The following MND1 variants were observed in gnomAD, a reference collection of about 807,000 sequenced individuals.
The protein encoded by MND1 is meiotic nuclear divisions 1.
In MND1, 28 loss-of-function variants were observed where a neutral mutation model predicts 35.1. The ratio of observed to expected loss-of-function variants is 0.80; its 90% CI spans 0.59 to 1.09. The LOEUF (loss-of-function observed/expected upper bound fraction) is 1.09. Ranked by LOEUF, MND1 falls within the 50% of genes least tolerant of loss-of-function variation. The pLI is 0.00. For synonymous variants in MND1, 69 were observed against 70.5 expected (o/e 0.98, Z 0.11); for missense variants, 213 against 239.6 (o/e 0.89, Z 0.73).
intron 4 of MND1, among the ~76,000 whole-genome samples, chr4:153,392,295 C>T (rs1416232763): frequency 2.0e-5 from 3 of 151,824 alleles, no homozygotes; most frequent in Admixed American, 6.6e-5. Flanking sequence ...TCAGTAGAGA[C>T]GGGGTTTCAC....
At chr4:153,412,978 T>G (rs1227564108) in intron 7 of MND1, among the ~76,000 whole-genome samples, 1 of 152,102 alleles carries the variant, frequency 6.6e-6, no homozygotes, top group Non-Finnish European at 1.5e-5. Context: ...CTAATCTTTT[T>G]GTATTGTTAG....
At position 153,350,052 on chromosome 4, in the gene MND1, T is replaced by C; in HGVS notation, c.4-12T>C. On this transcript the variant is annotated splice_polypyrimidine_tract_variant and intron_variant, in intron 1 of 7. Coordinates refer to ENST00000240488, the MANE Select transcript of MND1 (RefSeq NM_032117.4). ...TAAAAGCATTGTTTACTTGTTAATT[T>C]TTTTGCTTTAGTCAAAGAAAAAAGG... 6.4e-7 allele frequency: 1 copy of C among 1,569,178 alleles called. No individual in the cohort carries two copies. The highest frequency in any genetic ancestry group is 8.7e-7 in the Non-Finnish European group (1 of 1,155,806).
At position 153,387,410 on chromosome 4, in the gene MND1, A is replaced by T. The variant is rs797011960; in HGVS notation, c.277-6852A>T. On this transcript the variant is annotated intron_variant, in intron 4 of 7. Transcript: ENST00000240488. ...TCTTTACAGTGTTTATTGTTTCCTT[A>T]TGATTAATTTTTAAATGGAATATTA... Among the ~76,000 whole-genome samples the T allele has an allele frequency of 1.4e-4, 22 of 152,120 alleles. No homozygotes were observed. The East Asian group carries it at 4.2e-3, about 29-fold the overall frequency.
intron 4 of MND1, among the ~76,000 whole-genome samples, chr4:153,390,889 A>ATATGTGTG (rs757236550): frequency 2.3e-3 from 317 of 139,836 alleles, no homozygotes; most frequent in African/African-American, 4.5e-3. Flanking sequence ...AGGTATATAT[A>ATATGTGTG]TGTGTGTGTG....
At chr4:153,347,157 G>C (rs1773094857) in intron 1 of MND1, among the ~76,000 whole-genome samples, 1 of 152,096 alleles carries the variant, frequency 6.6e-6, no homozygotes, top group African/African-American at 2.4e-5. Flanking sequence ...GGACCTATTG[G>C]ACTAGAAAAA....
At chr4:153,383,273 C>T (rs1047690577) in intron 4 of MND1, among the ~76,000 whole-genome samples, 5 of 152,098 alleles carry the variant, frequency 3.3e-5, no homozygotes, top group Non-Finnish European at 7.4e-5. Context: ...CTCTGAAAAC[C>T]CAGGCTGGGA....
At chr4:153,400,336 T>A (rs1028258406) in intron 6 of MND1, among the ~76,000 whole-genome samples, 2 of 152,196 alleles carry the variant, frequency 1.3e-5, no homozygotes, top group Admixed American at 6.5e-5. Flanking sequence ...TACTTGGGAA[T>A]GAGAGAGTAA....
Position 153,355,643 on chromosome 4 carries a change from C to G in MND1, c.70-11C>G, listed in dbSNP as rs760179677. 1 of 1,549,188 alleles carries G rather than the reference C, an allele frequency of 6.5e-7. No individual in the cohort carries two copies. Among genetic ancestry groups the G allele is most frequent in the South Asian group, 1.1e-5 (1 of 87,286 alleles). The stretch of plus-strand genomic sequence containing the variant: ...ACGTGCTTTTCATTTTCTTTAAAAC[C>G]CTTTAAACAGAAAGATGTATTTCAA... On this transcript the variant is annotated splice_polypyrimidine_tract_variant and intron_variant, in intron 2 of 7. Coordinates refer to ENST00000240488, the MANE Select transcript of MND1 (RefSeq NM_032117.4).
rs956110566 is a variant in MND1, at chr4:153,371,713, T to A, written c.276+13091T>A. ...ACTAAAACTTTCTCTATCTCAGCAA[T>A]ACGGCTGTTTTGCTTTCTCATCATT... On this transcript the variant is annotated intron_variant, in intron 4 of 7. Coordinates refer to ENST00000240488, the MANE Select transcript of MND1 (RefSeq NM_032117.4). Among the ~76,000 whole-genome samples, 6 of 152,124 alleles carry A rather than the reference T, an allele frequency of 3.9e-5. No homozygotes were observed. In the East Asian group the frequency reaches 7.7e-4, roughly 19 times the overall value.
chr4:153,400,493 G>T (rs2149655958), intron 6 of MND1, among the ~76,000 whole-genome samples: 1 of 152,282 alleles, frequency 6.6e-6, no homozygotes, highest in South Asian at 2.1e-4. Context: ...TTTGAGATTA[G>T]CCTGGGCAAG....
At chr4:153,411,961 A>G (rs1729696227) in intron 7 of MND1, among the ~76,000 whole-genome samples, 2 of 152,212 alleles carry the variant, frequency 1.3e-5, no homozygotes, top group Non-Finnish European at 2.9e-5. Flanking sequence ...CAGCAGACAT[A>G]ACATTTGGAT....
At chr4:153,406,095 A>T (rs566153248) in intron 6 of MND1, among the ~76,000 whole-genome samples, 34 of 152,072 alleles carry the variant, frequency 2.2e-4, no homozygotes, top group Non-Finnish European at 3.5e-4. Context: ...CCACTGTGCC[A>T]GGCCGGATTT....
chr4:153,379,866 A>C lies in MND1; in HGVS notation c.277-14396A>C, dbSNP rs956607429. The stretch of plus-strand genomic sequence containing the variant: ...CTCCATCTCAAAAAAAAAAAAAAAA[A>C]AAAAAAAAAATCAGGTGTTGTGGCG... On this transcript the variant is annotated intron_variant, in intron 4 of 7. Transcript: ENST00000240488. Among the ~76,000 whole-genome samples the C allele has an allele frequency of 5.3e-4, 79 of 150,242 alleles. 2 individuals carry two copies. Among genetic ancestry groups the C allele is most frequent in the African/African-American group, 1.9e-3 (76 of 41,078 alleles).
chr4:153,378,667 C>T (rs905111211), intron 4 of MND1, among the ~76,000 whole-genome samples: 8 of 152,080 alleles, frequency 5.3e-5, no homozygotes, highest in Non-Finnish European at 2.9e-5. Context: ...CTTTTTCTCC[C>T]CAGAGCTGAC....
chr4:153,365,101 C>CAAA (rs5863041), intron 4 of MND1, among the ~76,000 whole-genome samples: 3 of 138,228 alleles, frequency 2.2e-5, no homozygotes, highest in Admixed American at 7.1e-5. Flanking sequence ...TTGTTGCCAC[C>CAAA]AAAAAAAAAA....
At chr4:153,392,861 T>C (rs559399511) in intron 4 of MND1, among the ~76,000 whole-genome samples, 3 of 152,230 alleles carry the variant, frequency 2.0e-5, no homozygotes, top group Non-Finnish European at 4.4e-5. Context: ...GGTGCACACC[T>C]GTGATCCCAG....
intron 7 of MND1, among the ~76,000 whole-genome samples, chr4:153,412,322 A>G (rs895156739): frequency 1.3e-4 from 20 of 152,290 alleles, no homozygotes; most frequent in Non-Finnish European, 2.5e-4. Context: ...TGCCGCAACA[A>G]AACATCACAG....
At chr4:153,367,982 T>C (rs1286220670) in intron 4 of MND1, among the ~76,000 whole-genome samples, 1 of 152,232 alleles carries the variant, frequency 6.6e-6, no homozygotes. Flanking sequence ...TATATCTTCC[T>C]TGAATAAATT....
chr4:153,374,558 A>G (rs1182587846), intron 4 of MND1, among the ~76,000 whole-genome samples: 1 of 152,124 alleles, frequency 6.6e-6, no homozygotes, highest in Non-Finnish European at 1.5e-5. Context: ...AGCTTATTCT[A>G]CATATTGCCA....
Sources: allele counts gnomAD v4.1 joint callset (sites outside exome capture counted in the v4.1 genomes callset), GRCh38; gene constraint gnomAD v4.1.1; transcripts MANE v1.5; gene names NCBI Gene and HGNC (gene_info 2026-07-23, HGNC 2026-07-21).